DLGAP2: variants seen among roughly 807,000 people sequenced by gnomAD.
DLGAP2 encodes the protein DLG associated protein 2, also known as disks large-associated protein 2.
A neutral mutation model predicts 100.3 loss-of-function variants in DLGAP2; 26 were observed. That is an observed-to-expected ratio of 0.26 (90% confidence interval 0.19 to 0.36). DLGAP2 has a LOEUF of 0.36. Ranked by LOEUF, DLGAP2 falls within the 10% of genes least tolerant of loss-of-function variation. The probability of loss-of-function intolerance (pLI) is 1.00; values close to 1 mark genes in which losing one functional copy is unlikely to be tolerated. For synonymous variants in DLGAP2, 886 were observed against 630.1 expected (o/e 1.41, Z -6.08); for missense variants, 1,858 against 1,453.2 (o/e 1.28, Z -4.53).
chr8:1,071,394 A>G (rs1233500403), intron 2 of DLGAP2, among the ~76,000 whole-genome samples: 1 of 151,916 alleles, frequency 6.6e-6, no homozygotes, highest in Non-Finnish European at 1.5e-5. Flanking sequence ...CTCCTCCAGC[A>G]CCACCCTGGA....
At chr8:751,293 C>A (rs1264540300) in intron 1 of DLGAP2, among the ~76,000 whole-genome samples, 2 of 143,540 alleles carry the variant, frequency 1.4e-5, no homozygotes, top group Admixed American at 1.4e-4. Context: ...GAGCATTTTC[C>A]TGGATCTCCG....
intron 8 of DLGAP2, among the ~76,000 whole-genome samples, chr8:1,639,585 C>T (rs1464512770): frequency 6.6e-6 from 1 of 152,224 alleles, no homozygotes; most frequent in Non-Finnish European, 1.5e-5. Context: ...CCCTACAAAG[C>T]AGGTGTGTTT....
intron 2 of DLGAP2, among the ~76,000 whole-genome samples, chr8:1,240,786 G>A (rs1429063080): frequency 1.3e-4 from 1 of 7,760 alleles, no homozygotes; most frequent in East Asian, 1.2e-3. Context: ...ACATGGTGCC[G>A]TTTCTAGTTC....
At chr8:1,306,702 T>C (rs562776961) in intron 3 of DLGAP2, among the ~76,000 whole-genome samples, 1 of 152,298 alleles carries the variant, frequency 6.6e-6, no homozygotes, top group African/African-American at 2.4e-5. Flanking sequence ...CACAGACATC[T>C]AGACTAATGG....
At chr8:1,053,437 C>A (rs1000734737) in intron 2 of DLGAP2, among the ~76,000 whole-genome samples, 3 of 152,092 alleles carry the variant, frequency 2.0e-5, no homozygotes, top group African/African-American at 7.2e-5. Context: ...GAGAAGGAAC[C>A]AGAAGGACCA....
At chr8:964,721 AC>A (rs1799805332) in intron 2 of DLGAP2, among the ~76,000 whole-genome samples, 1 of 152,102 alleles carries the variant, frequency 6.6e-6, no homozygotes, top group Non-Finnish European at 1.5e-5. Flanking sequence ...AGGCCTTTGG[AC>A]ATTTGCTCTC....
intron 2 of DLGAP2, among the ~76,000 whole-genome samples, chr8:1,135,981 T>C (rs1445216828): frequency 6.6e-6 from 1 of 152,218 alleles, no homozygotes; most frequent in East Asian, 1.9e-4. Context: ...ACAGAATCAA[T>C]GAGCCAGATC....
chr8:1,596,183 C>G (rs866490967), intron 6 of DLGAP2, among the ~76,000 whole-genome samples: 38 of 152,172 alleles, frequency 2.5e-4, no homozygotes, highest in African/African-American at 9.2e-4. Context: ...TCATCCATGT[C>G]CCTGCAAAGA....
At chr8:1,417,692 G>GGGGCATGGGGA (rs1554464154) in intron 3 of DLGAP2, among the ~76,000 whole-genome samples, 1 of 69,680 alleles carries the variant, frequency 1.4e-5, no homozygotes, top group Non-Finnish European at 3.5e-5. Flanking sequence ...GGGGCACAGG[G>GGGGCATGGGGA]GGCCCCACTC....
intron 2 of DLGAP2, among the ~76,000 whole-genome samples, chr8:968,849 A>G (rs1192900191): frequency 6.6e-6 from 1 of 152,138 alleles, no homozygotes; most frequent in Non-Finnish European, 1.5e-5. Flanking sequence ...ATCCACGTAT[A>G]ATGAAACCGA....
At chr8:1,041,887 C>T (rs564861746) in intron 2 of DLGAP2, among the ~76,000 whole-genome samples, 1 of 152,184 alleles carries the variant, frequency 6.6e-6, no homozygotes, top group South Asian at 2.1e-4. Flanking sequence ...TCTCACCATG[C>T]GGAAGAATGT....
intron 2 of DLGAP2, among the ~76,000 whole-genome samples, chr8:982,894 T>C: frequency 6.6e-6 from 1 of 151,534 alleles, no homozygotes; most frequent in Admixed American, 6.6e-5. Context: ...TTTTTTTTTT[T>C]TTTTTTTTTT....
chr8:1,510,255 A>T (rs1800112643), intron 4 of DLGAP2, among the ~76,000 whole-genome samples: 1 of 152,154 alleles, frequency 6.6e-6, no homozygotes, highest in Non-Finnish European at 1.5e-5. Flanking sequence ...TAACTTGCTG[A>T]TGTGTTTGGA....
At chr8:1,470,523 C>G (rs533562919) in intron 3 of DLGAP2, among the ~76,000 whole-genome samples, 4 of 152,128 alleles carry the variant, frequency 2.6e-5, no homozygotes, top group African/African-American at 4.8e-5. Context: ...ACAACAAAAT[C>G]CATGGGCCAG....
chr8:1,173,382 T>C (rs566581806), intron 2 of DLGAP2, among the ~76,000 whole-genome samples: 9 of 152,290 alleles, frequency 5.9e-5, no homozygotes, highest in South Asian at 4.1e-4. Context: ...TCTCCAGCTG[T>C]GTGCTAGGAG....
intron 6 of DLGAP2, among the ~76,000 whole-genome samples, chr8:1,597,222 A>G (rs1463899627): frequency 2.0e-5 from 3 of 152,052 alleles, no homozygotes; most frequent in Admixed American, 6.6e-5. Flanking sequence ...CCATTGGCCT[A>G]TGTATCTGTT....
intron 2 of DLGAP2, among the ~76,000 whole-genome samples, chr8:1,012,569 C>G (rs1801324537): frequency 7.5e-6 from 1 of 133,926 alleles, no homozygotes; most frequent in Non-Finnish European, 1.6e-5. Context: ...ACCGTCCAAC[C>G]AGCCCCCCAC....
chr8:1,505,628 A>C (rs1419552178), intron 4 of DLGAP2, among the ~76,000 whole-genome samples: 1 of 152,236 alleles, frequency 6.6e-6, no homozygotes, highest in African/African-American at 2.4e-5. Context: ...GTTTTCCATA[A>C]AATTAAAGTC....
intron 13 of DLGAP2, among the ~76,000 whole-genome samples, chr8:1,694,884 C>T (rs1033212941): frequency 6.6e-6 from 1 of 152,036 alleles, no homozygotes; most frequent in African/African-American, 2.4e-5. Flanking sequence ...AACACCTTAT[C>T]ATCTCTGAAT....
Sources: allele counts gnomAD v4.1 joint callset (sites outside exome capture counted in the v4.1 genomes callset), GRCh38; gene constraint gnomAD v4.1.1; transcripts MANE v1.5; gene names NCBI Gene and HGNC (gene_info 2026-07-23, HGNC 2026-07-21).